Variants in AP3B1 observed in about 807,000 individuals in gnomAD.
AP3B1 encodes AP-3 complex subunit beta-1.
In AP3B1, 61 loss-of-function variants were observed where a neutral mutation model predicts 132.5. The ratio of observed to expected loss-of-function variants is 0.46; its 90% CI spans 0.37 to 0.57. The LOEUF is 0.57. Ranked by LOEUF, AP3B1 falls within the 20% of genes least tolerant of loss-of-function variation. The probability of loss-of-function intolerance (pLI) is 0.00; values close to 1 mark genes in which losing one functional copy is unlikely to be tolerated. For synonymous variants in AP3B1, 388 were observed against 438.3 expected (o/e 0.89, Z 1.43); for missense variants, 1,120 against 1,289.4 (o/e 0.87, Z 2.01).
At chr5:78,152,192 T>C (rs1753702774) in intron 14 of AP3B1, among the ~76,000 whole-genome samples, 1 of 147,198 alleles carries the variant, frequency 6.8e-6, no homozygotes, top group Non-Finnish European at 1.5e-5. Flanking sequence ...AACAATGACC[T>C]TGTAGAATGA....
At chr5:78,229,598 G>T (rs1746550368) in intron 3 of AP3B1, among the ~76,000 whole-genome samples, 1 of 124,312 alleles carries the variant, frequency 8.0e-6, no homozygotes, top group South Asian at 2.5e-4. Context: ...AATTAGCCAG[G>T]CACAGTGGCA....
intron 20 of AP3B1, among the ~76,000 whole-genome samples, chr5:78,109,009 C>T (rs1290496809): frequency 6.6e-6 from 1 of 152,078 alleles, no homozygotes; most frequent in Non-Finnish European, 1.5e-5. Flanking sequence ...TTGTAACTCT[C>T]TTTATTTTCA....
chr5:78,165,454 A>C (rs1743574012), intron 12 of AP3B1, among the ~76,000 whole-genome samples, 156 bp downstream of exon 12: 1 of 151,822 alleles, frequency 6.6e-6, no homozygotes, highest in African/African-American at 2.4e-5. Flanking sequence ...AATTGTAATT[A>C]GTTTATTCTT....
chr5:78,084,521 C>CAAAAAAAAA (rs568637894), intron 22 of AP3B1, among the ~76,000 whole-genome samples: 86 of 43,782 alleles, frequency 2.0e-3, no homozygotes, highest in African/African-American at 2.5e-3. Flanking sequence ...CAGACCCTGT[C>CAAAAAAAAA]AAAAAAAAAA....
At chr5:78,130,626 T>C (rs2112303908) in intron 15 of AP3B1, among the ~76,000 whole-genome samples, 1 of 152,210 alleles carries the variant, frequency 6.6e-6, no homozygotes, top group Middle Eastern at 3.4e-3. Context: ...TGATTCATTT[T>C]TTAAGACAAT....
At chr5:78,168,201 C>T (rs1354559522) in intron 11 of AP3B1, among the ~76,000 whole-genome samples, 1 of 149,098 alleles carries the variant, frequency 6.7e-6, no homozygotes, top group Non-Finnish European at 1.5e-5. Context: ...TATATTTTAA[C>T]TTTTAGACAA....
chr5:78,031,573 T>C (rs1336841245), intron 24 of AP3B1, among the ~76,000 whole-genome samples: 1 of 152,198 alleles, frequency 6.6e-6, no homozygotes, highest in African/African-American at 2.4e-5. Context: ...AATGTGTATG[T>C]TGCCTGCTGT....
intron 2 of AP3B1, among the ~76,000 whole-genome samples, chr5:78,253,957 CA>C (rs35713067): frequency 0.37 from 34,531 of 93,686 alleles, 4,386 homozygotes; most frequent in Non-Finnish European, 0.43. Flanking sequence ...GACTCCACCT[CA>C]AAAAAAAAAA....
chr5:78,250,972 A>G (rs7726585), intron 2 of AP3B1, among the ~76,000 whole-genome samples: 85,113 of 151,850 alleles, frequency 0.56, 24,055 homozygotes, highest in Admixed American at 0.59. Context: ...GACAGAGGCA[A>G]ACAGAGGATG....
intron 23 of AP3B1, among the ~76,000 whole-genome samples, chr5:78,037,569 C>T (rs1052960271): frequency 2.6e-5 from 4 of 151,970 alleles, no homozygotes; most frequent in Admixed American, 6.6e-5. Context: ...AAAAATATAA[C>T]ACACACACAA....
rs1752795786 is a variant in AP3B1, at chr5:78,134,049, G to A, written c.1651-4742C>T. On this transcript the variant is annotated intron_variant, in intron 15 of 26. Transcript: ENST00000255194. Reference sequence around the variant, plus strand: ...ACCCGTAGTCCCAGCTACTCAGGAGGCTCAGGCAGGAGAATGGCGTGAACC... The same window carrying A: ...ACCCGTAGTCCCAGCTACTCAGGAGACTCAGGCAGGAGAATGGCGTGAACC... Among the ~76,000 whole-genome samples, 4 of 150,960 alleles carry A rather than the reference G, an allele frequency of 2.6e-5. No homozygotes were observed. In the Admixed American group the frequency reaches 2.7e-4, roughly 10 times the overall value.
chr5:78,148,230 A>G (rs1753498042), intron 14 of AP3B1, among the ~76,000 whole-genome samples: 2 of 152,146 alleles, frequency 1.3e-5, no homozygotes, highest in Admixed American at 6.5e-5. Flanking sequence ...AAGCCCTAGT[A>G]CTTATAATTG....
intron 21 of AP3B1, among the ~76,000 whole-genome samples, chr5:78,099,731 T>TA (rs1248257258): frequency 1.0e-4 from 15 of 150,500 alleles, no homozygotes; most frequent in Non-Finnish European, 1.6e-4. Context: ...CCGCCTCTAC[T>TA]AAAAAAAAAT....
intron 2 of AP3B1, among the ~76,000 whole-genome samples, chr5:78,241,503 T>A (rs1413983922): frequency 6.6e-6 from 1 of 152,202 alleles, no homozygotes; most frequent in Non-Finnish European, 1.5e-5. Flanking sequence ...AATGGGGGAA[T>A]TGAGAGAGGG....
At chr5:78,099,310 G>A (rs1336217910) in intron 21 of AP3B1, among the ~76,000 whole-genome samples, 1 of 152,174 alleles carries the variant, frequency 6.6e-6, no homozygotes, top group East Asian at 1.9e-4. Context: ...GGTGACTTCT[G>A]AGTTGGGGAA....
intron 7 of AP3B1, among the ~76,000 whole-genome samples, chr5:78,210,055 T>C (rs1745670074): frequency 6.6e-6 from 1 of 152,178 alleles, no homozygotes; most frequent in African/African-American, 2.4e-5. Context: ...TGTTGAACCC[T>C]TTGTCAACAG....
At chr5:78,066,632 G>T (rs1749303611) in intron 22 of AP3B1, among the ~76,000 whole-genome samples, 1 of 152,008 alleles carries the variant, frequency 6.6e-6, no homozygotes, top group Admixed American at 6.6e-5. Context: ...TGAATGAAAA[G>T]GAACAAACAA....
intron 13 of AP3B1, among the ~76,000 whole-genome samples, chr5:78,159,161 A>C (rs1350570062): frequency 2.0e-5 from 3 of 152,240 alleles, no homozygotes; most frequent in Non-Finnish European, 4.4e-5. Context: ...GTTTTAAAGA[A>C]TGCATAGTAT....
At chr5:78,207,613 G>A (rs951844678) in intron 7 of AP3B1, among the ~76,000 whole-genome samples, 1 of 151,846 alleles carries the variant, frequency 6.6e-6, no homozygotes, top group African/African-American at 2.4e-5. Context: ...TAAAATAAAA[G>A]GAAGAAGTGA....
Sources: allele counts gnomAD v4.1 joint callset (sites outside exome capture counted in the v4.1 genomes callset), GRCh38; gene constraint gnomAD v4.1.1; transcripts MANE v1.5; gene names NCBI Gene and HGNC (gene_info 2026-07-23, HGNC 2026-07-21).